PLCG2: variants seen among roughly 807,000 people sequenced by gnomAD.
PLCG2 encodes the protein phospholipase C gamma 2, also known as 1-phosphatidylinositol 4,5-bisphosphate phosphodiesterase gamma-2.
PLCG2 carries 69 observed loss-of-function variants against 175.6 expected under a neutral mutation model. That is an observed-to-expected ratio of 0.39 (90% CI 0.32 to 0.48). The LOEUF is 0.48. Ranked by LOEUF, PLCG2 falls within the 20% of genes least tolerant of loss-of-function variation. The pLI is 0.91. For synonymous variants in PLCG2, 827 were observed against 624.0 expected (o/e 1.33, Z -4.85); for missense variants, 1,798 against 1,650.9 (o/e 1.09, Z -1.54).
chr16:81,937,939 G>T, intron 28 of PLCG2, 36 bp downstream of exon 28: 1 of 1,609,598 alleles, frequency 6.2e-7, no homozygotes. Flanking sequence ...AGGGGAGCCA[G>T]CCGCCCTCCC....
At chr16:81,823,980 C>T (rs894385289) in intron 2 of PLCG2, among the ~76,000 whole-genome samples, 2 of 146,480 alleles carry the variant, frequency 1.4e-5, no homozygotes, top group South Asian at 2.1e-4. Flanking sequence ...TCCTTCTTTT[C>T]CTTCTTTTTC....
intron 2 of PLCG2, among the ~76,000 whole-genome samples, chr16:81,763,198 C>G (rs1435616875): frequency 6.6e-6 from 1 of 152,252 alleles, no homozygotes; most frequent in African/African-American, 2.4e-5. Context: ...AGAACCCAGC[C>G]TCTCCTCCAC....
chr16:81,883,250 C>T lies in PLCG2; in HGVS notation c.693-19C>T. 1 of 1,611,046 alleles carries T rather than the reference C, an allele frequency of 6.2e-7. No homozygotes were observed. Among genetic ancestry groups the T allele is most frequent in the Non-Finnish European group, 8.5e-7 (1 of 1,177,196 alleles). ...TGAATGTGTCTGTCTCTAACTGCACCCCCTTTCCCCGAGGATAGGAACACT... is the reference window on the plus strand; with the variant it reads ...TGAATGTGTCTGTCTCTAACTGCACTCCCTTTCCCCGAGGATAGGAACACT... On this transcript the variant is annotated intron_variant, in intron 8 of 32. Transcript: ENST00000564138.
At chr16:81,836,950 C>G (rs902137948) in intron 2 of PLCG2, among the ~76,000 whole-genome samples, 3 of 152,172 alleles carry the variant, frequency 2.0e-5, no homozygotes, top group Non-Finnish European at 4.4e-5. Context: ...TGTGGTTTCC[C>G]TTCCCTTTCC....
intron 9 of PLCG2, among the ~76,000 whole-genome samples, chr16:81,887,658 C>T (rs1908436851): frequency 6.6e-6 from 1 of 152,216 alleles, no homozygotes; most frequent in South Asian, 2.1e-4. Context: ...TTGTTTCGGA[C>T]ATTGCATCCA....
intron 2 of PLCG2, among the ~76,000 whole-genome samples, chr16:81,821,463 G>C (rs1002871382): frequency 6.6e-6 from 1 of 152,054 alleles, no homozygotes; most frequent in African/African-American, 2.4e-5. Flanking sequence ...TGCCTTCCTC[G>C]AGGGCTCGAA....
intron 2 of PLCG2, among the ~76,000 whole-genome samples, chr16:81,810,909 C>G (rs1185912391): frequency 6.6e-6 from 1 of 152,106 alleles, no homozygotes; most frequent in South Asian, 2.1e-4. Flanking sequence ...ATGAAGGTAA[C>G]TTTTGCTTCC....
chr16:81,844,717 A>C (rs1364056093), intron 2 of PLCG2, among the ~76,000 whole-genome samples: 1 of 152,228 alleles, frequency 6.6e-6, no homozygotes, highest in African/African-American at 2.4e-5. Flanking sequence ...AAAAAGAGTT[A>C]ATAAGTTATA....
At chr16:81,955,946 G>A (rs1160855392) in intron 31 of PLCG2, among the ~76,000 whole-genome samples, 1 of 152,160 alleles carries the variant, frequency 6.6e-6, no homozygotes, top group African/African-American at 2.4e-5. Context: ...CTCATTTAAA[G>A]TGTACAATTC....
intron 5 of PLCG2, among the ~76,000 whole-genome samples, chr16:81,860,169 ATTATTTT>A (rs1485489458): frequency 4.7e-3 from 440 of 93,388 alleles, no homozygotes; most frequent in Non-Finnish European, 5.7e-3. Flanking sequence ...TATTATTATT[ATTATTTT>A]TTTTTTTTTT....
chr16:81,881,015 G>T, intron 8 of PLCG2, 62 bp downstream of exon 8: 1 of 1,536,852 alleles, frequency 6.5e-7, no homozygotes, highest in Non-Finnish European at 9.0e-7. Context: ...CTGGTGCCCA[G>T]CCGGCCTCCA....
intron 2 of PLCG2, among the ~76,000 whole-genome samples, chr16:81,823,144 T>C (rs1188804844): frequency 1.3e-5 from 2 of 152,266 alleles, no homozygotes; most frequent in African/African-American, 2.4e-5. Context: ...TCTTGGATGA[T>C]GGCGCCTTAT....
intron 30 of PLCG2, among the ~76,000 whole-genome samples, chr16:81,945,790 A>G (rs1258649081): frequency 6.6e-6 from 1 of 152,224 alleles, no homozygotes; most frequent in East Asian, 1.9e-4. Context: ...GTGCTTTGTA[A>G]GGCTGTAAGT....
chr16:81,746,508 C>T (rs1329189454), intron 1 of PLCG2, among the ~76,000 whole-genome samples: 2 of 152,222 alleles, frequency 1.3e-5, no homozygotes, highest in African/African-American at 2.4e-5. Context: ...GGGGTGGGAA[C>T]CGCGGGGCTC....
At chr16:81,946,371 G>GACAA in intron 31 of PLCG2, 108 bp downstream of exon 31, 1 of 788,844 alleles carries the variant, frequency 1.3e-6, no homozygotes, top group Non-Finnish European at 2.3e-6. Flanking sequence ...ATTCAGAATT[G>GACAA]TCTAGCCCAA....
chr16:81,779,307 G>C lies in PLCG2; in HGVS notation c.-165G>C, dbSNP rs539909468. ...GGCCGAAGCAGAAGTAGCGAGCGCC[G>C]GCGGCGGAGGGCGTGAGCGGCGCTG... On this transcript the variant is annotated 5_prime_UTR_variant, in exon 1 of 33. Coordinates refer to ENST00000564138, the MANE Select transcript of PLCG2 (RefSeq NM_002661.5). The C allele has an allele frequency of 6.6e-6, 1 of 150,600 alleles. No individual in the cohort carries two copies. The highest frequency in any genetic ancestry group is 1.5e-5 in the Non-Finnish European group (1 of 67,480). 9.3% of individuals were successfully genotyped at this position (150,600 alleles called of 1,614,324 possible). A position where few individuals can be genotyped will look rare whatever the true frequency, so the allele number is the denominator to read the frequency against.
intron 2 of PLCG2, among the ~76,000 whole-genome samples, chr16:81,760,838 GA>G (rs1282667736): frequency 2.0e-5 from 3 of 152,088 alleles, no homozygotes; most frequent in Non-Finnish European, 4.4e-5. Flanking sequence ...GCTAAGGCAG[GA>G]GGCTCATCTC....
chr16:81,780,678 C>A (rs1910689502), intron 1 of PLCG2, among the ~76,000 whole-genome samples: 1 of 152,158 alleles, frequency 6.6e-6, no homozygotes, highest in Non-Finnish European at 1.5e-5. Flanking sequence ...CATGAATAGC[C>A]CTTTTGCACT....
intron 2 of PLCG2, among the ~76,000 whole-genome samples, chr16:81,808,605 T>C (rs942253640): frequency 2.6e-5 from 4 of 152,194 alleles, no homozygotes; most frequent in South Asian, 2.1e-4. Context: ...GCCATTCTCC[T>C]GTCTCAGCCT....
Sources: gnomAD v4.1 joint callset for allele counts (sites outside exome capture counted in the v4.1 genomes callset) on GRCh38, gnomAD v4.1.1 for gene constraint, MANE v1.5 for transcripts, NCBI Gene and HGNC (gene_info 2026-07-23, HGNC 2026-07-21) for gene names.